UQCC1: variants seen among roughly 807,000 people sequenced by gnomAD.
UQCC1 encodes the protein bFGF-repressed Zic-binding protein.
In UQCC1, 38 loss-of-function variants were observed where a neutral mutation model predicts 48.0. The observed-to-expected ratio is 0.79, with a 90% CI of 0.61 to 1.04. UQCC1 has a LOEUF of 1.04. Among genes scored for constraint, UQCC1 ranks in the 50% least tolerant of loss-of-function variants. UQCC1 has a pLI of 0.00. For missense variants in UQCC1, 368 were observed against 381.8 expected (o/e 0.96, Z 0.30); for synonymous variants, 111 against 129.2 (o/e 0.86, Z 0.95).
intron 7 of UQCC1, among the ~76,000 whole-genome samples, chr20:35,320,191 C>T (rs1371956579): frequency 6.6e-6 from 1 of 152,204 alleles, no homozygotes; most frequent in Non-Finnish European, 1.5e-5. Context: ...ACTAAGTCTG[C>T]CCTCTCCCCC....
At chr20:35,371,935 G>C (rs1460955111) in intron 5 of UQCC1, among the ~76,000 whole-genome samples, 1 of 152,016 alleles carries the variant, frequency 6.6e-6, no homozygotes, top group Non-Finnish European at 1.5e-5. Context: ...AGGGTTGCTT[G>C]AGCCCAGGAG....
intron 8 of UQCC1, among the ~76,000 whole-genome samples, chr20:35,312,906 A>C (rs1167698474): frequency 6.6e-6 from 1 of 152,160 alleles, no homozygotes; most frequent in Non-Finnish European, 1.5e-5. Flanking sequence ...ATATGAGGGA[A>C]GGAGGGAATA....
At chr20:35,334,051 A>G (rs1199567238) in intron 7 of UQCC1, among the ~76,000 whole-genome samples, 1 of 152,154 alleles carries the variant, frequency 6.6e-6, no homozygotes, top group Non-Finnish European at 1.5e-5. Context: ...TGTGCTGATC[A>G]TATTGTAAAA....
Position 35,404,034 on chromosome 20 carries a change from G to A in UQCC1, c.24+7906C>T, listed in dbSNP as rs555849836. Among the ~76,000 whole-genome samples the A allele has an allele frequency of 1.2e-4, 19 of 152,104 alleles. No individual in the cohort carries two copies. In the South Asian group the frequency reaches 1.7e-3, roughly 13 times the overall value. The stretch of plus-strand genomic sequence containing the variant: ...GGGCGGATCACAAGGTCAGGAGATC[G>A]AGACCATCCTGGCTAACATGGTGAA... On this transcript the variant is annotated intron_variant, in intron 1 of 9. Transcript: ENST00000374385.
At chr20:35,411,808 A>G in intron 1 of UQCC1, 132 bp downstream of exon 1, 1 of 1,238,778 alleles carries the variant, frequency 8.1e-7, no homozygotes, top group African/African-American at 1.5e-5. Context: ...TTCCCCACGG[A>G]AAAGCGGCCA....
intron 6 of UQCC1, among the ~76,000 whole-genome samples, chr20:35,365,681 A>T (rs1056211058): frequency 1.3e-5 from 2 of 152,012 alleles, no homozygotes; most frequent in Middle Eastern, 3.2e-3. Context: ...AAAGCATAAA[A>T]TAAACTGCCA....
intron 6 of UQCC1, among the ~76,000 whole-genome samples, chr20:35,363,213 G>A (rs1480453540): frequency 1.3e-5 from 2 of 152,132 alleles, no homozygotes; most frequent in East Asian, 3.8e-4. Context: ...GACTGAGCAG[G>A]TGAAGGGGTG....
intron 4 of UQCC1, among the ~76,000 whole-genome samples, chr20:35,380,408 C>T (rs542157547): frequency 6.6e-6 from 1 of 152,202 alleles, no homozygotes; most frequent in African/African-American, 2.4e-5. Context: ...TTCAAAGCTC[C>T]TTAAAAACAA....
intron 5 of UQCC1, among the ~76,000 whole-genome samples, chr20:35,370,658 C>A (rs775911962): frequency 2.8e-4 from 42 of 152,198 alleles, no homozygotes; most frequent in Non-Finnish European, 2.9e-5. Context: ...AATTTACTTT[C>A]TCCCTAGGTA....
intron 7 of UQCC1, among the ~76,000 whole-genome samples, chr20:35,337,702 G>A (rs1373105975): frequency 6.6e-6 from 1 of 152,226 alleles, no homozygotes; most frequent in Non-Finnish European, 1.5e-5. Flanking sequence ...CTAAGTAAGA[G>A]TGGGAGGCCT....
chr20:35,344,993 T>G (rs2061417774), intron 7 of UQCC1: 1 of 152,230 alleles, frequency 6.6e-6, no homozygotes, highest in South Asian at 2.1e-4. Flanking sequence ...TTAAAAGGAC[T>G]GGGTTTGGGG....
At chr20:35,389,123 G>T (rs2061983239) in intron 2 of UQCC1, among the ~76,000 whole-genome samples, 1 of 152,014 alleles carries the variant, frequency 6.6e-6, no homozygotes, top group African/African-American at 2.4e-5. Flanking sequence ...AGTAATGTTT[G>T]AATCTAGGGC....
chr20:35,304,066 G>T lies in UQCC1; in HGVS notation c.769C>A (p.Gln257Lys), dbSNP rs780588664. 3.1e-6 allele frequency: 5 copies of T among 1,614,032 alleles called. No individual in the cohort carries two copies. The South Asian group carries it at 5.5e-5, about 18-fold the overall frequency. Residue 257 changes from glutamine to lysine, a missense_variant, in exon 10 of 10, where the codon CAG becomes AAG. By Grantham distance (53) the Gln-to-Lys change is moderately conservative. Coordinates refer to ENST00000374385, the MANE Select transcript of UQCC1 (RefSeq NM_018244.5). The part of the protein sequence containing the change: ...LLVEYVRKQI[Q>K]YLDSMNGEDL... Reference sequence around the variant, plus strand: ...TCCCCGTTCATGGAGTCCAGGTACTGTATCTGCAACCAGGGGAGGGGGAAG... The same window carrying T: ...TCCCCGTTCATGGAGTCCAGGTACTTTATCTGCAACCAGGGGAGGGGGAAG...
intron 4 of UQCC1, among the ~76,000 whole-genome samples, chr20:35,376,536 A>G (rs1173640215): frequency 6.6e-6 from 1 of 152,166 alleles, no homozygotes; most frequent in Non-Finnish European, 1.5e-5. Context: ...AAACTATTAA[A>G]GCTCACTAAA....
Position 35,382,844 on chromosome 20 carries a change from T to G in UQCC1, c.226-819A>C, listed in dbSNP as rs552015601. Among the ~76,000 whole-genome samples the G allele has an allele frequency of 3.9e-5, 6 of 152,232 alleles. No individual in the cohort carries two copies. In the East Asian group the frequency reaches 1.2e-3, roughly 29 times the overall value. ...TTTTTTTAAGCATCTTATCATTCAG[T>G]GAAAACACATTTGGAACTGTACCTA... On this transcript the variant is annotated intron_variant, in intron 3 of 9. Coordinates refer to ENST00000374385, the MANE Select transcript of UQCC1 (RefSeq NM_018244.5).
chr20:35,379,812 A>T (rs2061845345), intron 4 of UQCC1, among the ~76,000 whole-genome samples: 1 of 152,212 alleles, frequency 6.6e-6, no homozygotes, highest in African/African-American at 2.4e-5. Context: ...TCTCAAAAAA[A>T]TAAAATTAAA....
intron 7 of UQCC1, among the ~76,000 whole-genome samples, chr20:35,332,670 G>A (rs1182669483): frequency 6.6e-6 from 1 of 152,220 alleles, no homozygotes; most frequent in Non-Finnish European, 1.5e-5. Flanking sequence ...ACACCAGACA[G>A]GTTACAAAGA....
At chr20:35,353,100 CAG>C (rs2061507422) in intron 6 of UQCC1, among the ~76,000 whole-genome samples, 1 of 152,042 alleles carries the variant, frequency 6.6e-6, no homozygotes, top group Non-Finnish European at 1.5e-5. Flanking sequence ...CTTAAAATGT[CAG>C]AGTCAAAAAG....
rs192196010 is a variant in UQCC1 at position 35,404,011 on chromosome 20, G to A, written c.24+7929C>T. 8.5e-5 allele frequency among the ~76,000 whole-genome samples: 13 copies of A among 152,248 alleles called. No homozygotes were observed. In the East Asian group the frequency reaches 2.5e-3, roughly 29 times the overall value. On this transcript the variant is annotated intron_variant, in intron 1 of 9. Coordinates refer to ENST00000374385, the MANE Select transcript of UQCC1 (RefSeq NM_018244.5). ...CAAGCACTTTGGGAGGCCGAGGAGG[G>A]CGGATCACAAGGTCAGGAGATCGAG...
Sources: allele counts gnomAD v4.1 joint callset (sites outside exome capture counted in the v4.1 genomes callset), GRCh38; gene constraint gnomAD v4.1.1; transcripts MANE v1.5; gene names NCBI Gene and HGNC (gene_info 2026-07-23, HGNC 2026-07-21).